MYH14: variants seen among roughly 807,000 people sequenced by gnomAD.
MYH14 encodes myosin-14.
A neutral mutation model predicts 255.5 loss-of-function variants in MYH14; 123 were observed. The ratio of observed to expected loss-of-function variants is 0.48; its 90% CI spans 0.42 to 0.56. MYH14 has a LOEUF of 0.56. Ranked by LOEUF, MYH14 falls within the 20% of genes least tolerant of loss-of-function variation. The probability of loss-of-function intolerance (pLI) is 0.00; values close to 1 mark genes in which losing one functional copy is unlikely to be tolerated. For missense variants in MYH14, 2,423 were observed against 2,802.3 expected (o/e 0.86, Z 3.06); for synonymous variants, 1,095 against 1,161.2 (o/e 0.94, Z 1.16).
Position 50,310,198 on chromosome 19 carries a change from C to T in MYH14, c.*408C>T. On this transcript the variant is annotated 3_prime_UTR_variant, in exon 43 of 43. Coordinates refer to ENST00000642316, the MANE Select transcript of MYH14 (RefSeq NM_001145809.2). ...CTCTCTCTCTCTCTCTCTCTCCCTC[C>T]CTCTCCTTCCCTACCCTCTCACCAT... 3.7e-6 allele frequency: 1 copy of T among 269,272 alleles called. No homozygotes were observed. Among genetic ancestry groups the T allele is most frequent in the South Asian group, 4.4e-5 (1 of 22,644 alleles). 16.7% of individuals were successfully genotyped at this position (269,272 alleles called of 1,614,324 possible). A position where few individuals can be genotyped will look rare whatever the true frequency, so the allele number is the denominator to read the frequency against.
In MYH14 at chr19:50,290,900, A is replaced by G; in HGVS notation, c.4979A>G (p.Glu1660Gly). 6.4e-7 allele frequency: 1 copy of G among 1,563,022 alleles called. No individual in the cohort carries two copies. Among genetic ancestry groups the G allele is most frequent in the Non-Finnish European group, 8.7e-7 (1 of 1,154,476 alleles). The change falls in exon 36 of 43, where the codon GAG becomes GGG. Residue 1660 changes from glutamate (E) to glycine (G), a missense_variant. Glu to Gly is a moderately conservative substitution (Grantham distance 98). This residue lies in a region of MYH14 where 1,513 missense variants were observed against 1,674.8 expected (regional missense o/e 0.90). Coordinates refer to ENST00000642316, the MANE Select transcript of MYH14 (RefSeq NM_001145809.2). ...RQLAKQLRDA[E>G]VERDEERKQR... The stretch of plus-strand genomic sequence containing the variant: ...CCTCCTCTCCAGCTGAGAGATGCAG[A>G]GGTGGAGCGGGATGAGGAGCGGAAG...
chr19:50,248,059 CAAAAAAAA>C (rs10588130), intron 12 of MYH14, among the ~76,000 whole-genome samples: 1 of 106,834 alleles, frequency 9.4e-6, no homozygotes, highest in Non-Finnish European at 1.9e-5. Flanking sequence ...GACTCTGTCT[CAAAAAAAA>C]AAAAAAAAAG....
intron 10 of MYH14, among the ~76,000 whole-genome samples, chr19:50,232,525 C>T (rs1419816296): frequency 7.5e-6 from 1 of 133,970 alleles, no homozygotes; most frequent in African/African-American, 2.8e-5. Flanking sequence ...ACCCAGGAGG[C>T]GGAGGTTGCA....
chr19:50,304,657 G>A (rs2036598941), intron 40 of MYH14, among the ~76,000 whole-genome samples: 1 of 152,160 alleles, frequency 6.6e-6, no homozygotes, highest in South Asian at 2.1e-4. Context: ...ACGTACCATG[G>A]AAGTATGTCT....
intron 24 of MYH14, among the ~76,000 whole-genome samples, chr19:50,269,269 C>A (rs760430692): frequency 3.3e-5 from 5 of 152,162 alleles, no homozygotes; most frequent in African/African-American, 4.8e-5. Context: ...CTCCGTCTCC[C>A]GGGCTCAAGC....
In MYH14 at chr19:50,280,969, C is replaced by G. The variant is rs756877742; in HGVS notation, c.4290+586C>G. Among the ~76,000 whole-genome samples the G allele has an allele frequency of 7.9e-5, 12 of 152,318 alleles. No individual in the cohort carries two copies. The highest frequency in any genetic ancestry group is 1.8e-4 in the Non-Finnish European group (12 of 68,028). On this transcript the variant is annotated intron_variant, in intron 32 of 42. Transcript: ENST00000642316. The surrounding 1 kb of genome is among the most constrained non-coding windows in gnomAD (Gnocchi z 4.8). Reference sequence around the variant, plus strand: ...CCCGTCTTCTCTTTCTCCTCTGTCCCAACTCCAGTCACCTTGGGCTGGGAC... The same window carrying G: ...CCCGTCTTCTCTTTCTCCTCTGTCCGAACTCCAGTCACCTTGGGCTGGGAC...
chr19:50,231,988 C>T lies in MYH14; in HGVS notation c.1032C>T (p.Ser344=), dbSNP rs1354406159. 1 of 1,613,936 alleles carries T rather than the reference C, an allele frequency of 6.2e-7. No individual in the cohort carries two copies. The highest frequency in any genetic ancestry group is 8.5e-7 in the Non-Finnish European group (1 of 1,179,904). ...HYRFLTNGPS[S]SPGQERELFQ... is the part of the protein sequence containing the mutation. ...GGTTCCTGACCAACGGGCCGTCATC[C>T]TCTCCCGGCCAGGAGCGGGAACTCT... is the stretch of plus-strand genomic sequence containing the variant. The change falls in exon 10 of 43, where the codon TCC becomes TCT. Residue 344 remains serine (S), a synonymous_variant. Transcript: ENST00000642316.
At chr19:50,295,596 G>A (rs1458517775) in intron 39 of MYH14, among the ~76,000 whole-genome samples, 1 of 152,128 alleles carries the variant, frequency 6.6e-6, no homozygotes, top group African/African-American at 2.4e-5. Context: ...CTCCAGACCA[G>A]CTTGGATGAC....
Position 50,268,280 on chromosome 19 carries a change from G to T in MYH14, c.2946G>T (p.Val982=). Residue 982 remains valine, a synonymous_variant, in exon 24 of 43, where the codon GTG becomes GTT. Coordinates refer to ENST00000642316, the MANE Select transcript of MYH14 (RefSeq NM_001145809.2). Reference sequence around the variant, plus strand: ...GCAAGCAGGAGCTGGAGCTGGTGGTGTCAGAGCTGGAGGCTCGCGTGGGCG... The same window carrying T: ...GCAAGCAGGAGCTGGAGCTGGTGGTTTCAGAGCTGGAGGCTCGCGTGGGCG... ...AARKQELELV[V]SELEARVGEE... 1 of 1,585,396 alleles carries T rather than the reference G, an allele frequency of 6.3e-7. No individual in the cohort carries two copies. Among genetic ancestry groups the T allele is most frequent in the Non-Finnish European group, 8.6e-7 (1 of 1,166,882 alleles).
At chr19:50,224,932 C>A in intron 6 of MYH14, 1 of 429,570 alleles carries the variant, frequency 2.3e-6, no homozygotes. Context: ...GAGTGAGACC[C>A]CATCTCTACT....
In MYH14 at chr19:50,289,440, A is replaced by G. The variant is rs1435411739; in HGVS notation, c.4757A>G (p.His1586Arg). The G allele has an allele frequency of 1.2e-6, 2 of 1,607,230 alleles. No homozygotes were observed. The highest frequency in any genetic ancestry group is 1.1e-5 in the South Asian group (1 of 89,518). Residue 1586 changes from histidine (H) to arginine (R), a missense_variant, in exon 35 of 43, where the codon CAT becomes CGT. Physicochemically the swap from His to Arg is conservative, Grantham distance 29. This residue lies in a region of MYH14 where 1,513 missense variants were observed against 1,674.8 expected (regional missense o/e 0.90). Coordinates refer to ENST00000642316, the MANE Select transcript of MYH14 (RefSeq NM_001145809.2). ...SSKDDVGKSV[H>R]ELERACRVAE... ...AGCAGCTACTCTCCCCACCAGGTGC[A>G]TGAGCTGGAACGAGCCTGCCGGGTA...
At chr19:50,209,362 G>A (rs1002826880) in intron 1 of MYH14, among the ~76,000 whole-genome samples, 1 of 152,112 alleles carries the variant, frequency 6.6e-6, no homozygotes, top group Non-Finnish European at 1.5e-5. Flanking sequence ...CCAGAACTGA[G>A]CCTGGCCAGG....
At position 50,226,913 on chromosome 19, in the gene MYH14, T is replaced by C. The variant is rs1167750692; in HGVS notation, c.821T>C (p.Ile274Thr). The C allele has an allele frequency of 6.2e-7, 1 of 1,613,636 alleles. No homozygotes were observed. The highest frequency in any genetic ancestry group is 8.5e-7 in the Non-Finnish European group (1 of 1,179,786). Residue 274 changes from isoleucine (I) to threonine (T), a missense_variant, in exon 8 of 43, where the codon ATC (isoleucine) becomes ACC (threonine). By Grantham distance (89) the Ile-to-Thr change is moderately conservative. This residue lies in a region of MYH14 where 672 missense variants were observed against 881.8 expected (regional missense o/e 0.76). Transcript: ENST00000642316. ...TTTGGTCTCTCCCAGGGCAAATTCA[T>C]CCGCATCAACTTTGATGTTGCCGGG... ...NDNSSRFGKF[I>T]RINFDVAGYI...
rs1176292498 is a variant in MYH14 at position 50,266,922 on chromosome 19, G to A, written c.2740G>A (p.Ala914Thr). Reference sequence around the variant, plus strand: ...GACGCGGCAGGATGAGGTGCTGCAGGCACGGGCCCAGGAGCTGCAGAAAGT... The same window carrying A: ...GACGCGGCAGGATGAGGTGCTGCAGACACGGGCCCAGGAGCTGCAGAAAGT... ...QVTRQDEVLQARAQELQKVQE... is the reference protein window; with the variant it reads ...QVTRQDEVLQTRAQELQKVQE... The change falls in exon 23 of 43, where the codon GCA (alanine) becomes ACA (threonine). Residue 914 changes from alanine to threonine, a missense_variant. This residue lies in a region of MYH14 where 1,513 missense variants were observed against 1,674.8 expected (regional missense o/e 0.90). Transcript: ENST00000642316. The surrounding 1 kb of genome is among the most constrained non-coding windows in gnomAD (Gnocchi z 4.1). 31 of 1,552,838 alleles carry A rather than the reference G, an allele frequency of 2.0e-5. No individual in the cohort carries two copies. The highest frequency in any genetic ancestry group is 2.7e-5 in the Non-Finnish European group (31 of 1,147,748).
intron 12 of MYH14, 28 bp from the exon 13 acceptor site, chr19:50,248,959 C>T (rs373192341): frequency 9.3e-6 from 15 of 1,611,060 alleles, no homozygotes; most frequent in East Asian, 4.5e-5. Flanking sequence ...GTGCAGGCTG[C>T]GCCCTTACCA....
At position 50,217,525 on chromosome 19, in the gene MYH14, T is replaced by C; in HGVS notation, c.406-90T>C. ...CATACCATGTGCAGATAGATGCCCT[T>C]GTGCAGTGCACGGCCTGCTCAGCAG... On this transcript the variant is annotated intron_variant, in intron 2 of 42. Transcript: ENST00000642316. 3 of 1,423,314 alleles carry C rather than the reference T, an allele frequency of 2.1e-6. No individual in the cohort carries two copies. The South Asian group carries it at 3.5e-5, about 16-fold the overall frequency. 88.2% of individuals were successfully genotyped at this position (1,423,314 alleles called of 1,614,324 possible). A position where few individuals can be genotyped will look rare whatever the true frequency, so the allele number is the denominator to read the frequency against.
intron 2 of MYH14, 113 bp downstream of exon 2, chr19:50,210,883 C>T: frequency 6.8e-7 from 1 of 1,468,992 alleles, no homozygotes; most frequent in Non-Finnish European, 9.0e-7. Context: ...ATCTGTATCC[C>T]ATGTCCCGTG....
At chr19:50,210,310 G>C in intron 1 of MYH14, 53 bp from the exon 2 acceptor site, 2 of 1,477,276 alleles carry the variant, frequency 1.4e-6, no homozygotes, top group South Asian at 2.6e-5. Flanking sequence ...GGGAAGGGAG[G>C]CCCGGGGGAC....
intron 30 of MYH14, 124 bp downstream of exon 30, chr19:50,278,413 T>C (rs1470663656): frequency 5.9e-6 from 4 of 683,412 alleles, no homozygotes; most frequent in East Asian, 3.0e-5. Flanking sequence ...AACATAATCA[T>C]GTACAAGTCT....
Sources: gnomAD v4.1 joint callset for allele counts (sites outside exome capture counted in the v4.1 genomes callset) on GRCh38, gnomAD v4.1.1 for gene constraint, gnomAD v4.1.1 regional missense constraint, Gnocchi (gnomAD v3.1) non-coding constraint, MANE v1.5 for transcripts, NCBI Gene and HGNC (gene_info 2026-07-23, HGNC 2026-07-21) for gene names.